Variants in TNPO1 observed in about 807,000 individuals in gnomAD.
The protein encoded by TNPO1 is transportin-1.
A neutral mutation model predicts 119.5 loss-of-function variants in TNPO1; 8 were observed. That is an observed-to-expected ratio of 0.07 (90% confidence interval 0.04 to 0.12). TNPO1 has a LOEUF of 0.12. Among genes scored for constraint, TNPO1 ranks in the 10% least tolerant of loss-of-function variants. The pLI, the probability that TNPO1 is intolerant of heterozygous loss-of-function variation, is 1.00. For synonymous variants in TNPO1, 362 were observed against 363.0 expected, an observed-to-expected ratio of 1.00 and a Z score of 0.03; for missense variants, 576 against 1,089.8, an observed-to-expected ratio of 0.53 and a Z score of 6.64.
intron 4 of TNPO1, among the ~76,000 whole-genome samples, chr5:72,861,020 C>A (rs1184249902): frequency 6.6e-6 from 1 of 151,660 alleles, no homozygotes; most frequent in Admixed American, 6.6e-5. Flanking sequence ...TCAAGCGATT[C>A]TCCTGCCTCA....
At chr5:72,866,378 A>ATT (rs1746903295) in intron 6 of TNPO1, among the ~76,000 whole-genome samples, 1 of 152,204 alleles carries the variant, frequency 6.6e-6, no homozygotes, top group East Asian at 1.9e-4. Flanking sequence ...CGTTTCCAGG[A>ATT]AGTTTCCCCC....
chr5:72,904,801 C>A (rs558120418), intron 23 of TNPO1, among the ~76,000 whole-genome samples: 5 of 152,156 alleles, frequency 3.3e-5, no homozygotes, highest in Middle Eastern at 3.4e-3. Context: ...CTGTCCCCGC[C>A]ACACACACAA....
Position 72,851,102 on chromosome 5 carries a change from G to C in TNPO1, c.130-142G>C, listed in dbSNP as rs1027647446. The C allele has an allele frequency of 3.1e-5, 19 of 622,444 alleles. 1 individual carries two copies. Among genetic ancestry groups the C allele is most frequent in the Non-Finnish European group, 4.9e-5 (17 of 347,670 alleles). 38.6% of individuals were successfully genotyped at this position (622,444 alleles called of 1,614,324 possible). A position where few individuals can be genotyped will look rare whatever the true frequency, so the allele number is the denominator to read the frequency against. Reference sequence around the variant, plus strand: ...TTTGAAATAGATGTTGATAGATTTAGTAAGATATCCTTATTCTTAGTTTAA... The same window carrying C: ...TTTGAAATAGATGTTGATAGATTTACTAAGATATCCTTATTCTTAGTTTAA... On this transcript the variant is annotated intron_variant, in intron 2 of 24. Transcript: ENST00000337273.
intron 13 of TNPO1, among the ~76,000 whole-genome samples, chr5:72,889,349 C>G (rs578170444): frequency 1.3e-5 from 2 of 152,056 alleles, no homozygotes; most frequent in Non-Finnish European, 2.9e-5. Flanking sequence ...TGAGCCACCG[C>G]GCCTGGCAGG....
chr5:72,854,147 TAAAG>T (rs1269153992), intron 3 of TNPO1, among the ~76,000 whole-genome samples: 1 of 152,260 alleles, frequency 6.6e-6, no homozygotes. Flanking sequence ...GTTTATTGCT[TAAAG>T]AAGTTAAATA....
intron 2 of TNPO1, among the ~76,000 whole-genome samples, chr5:72,850,536 A>G (rs1241109314): frequency 1.3e-5 from 2 of 151,768 alleles, no homozygotes; most frequent in African/African-American, 4.8e-5. Context: ...AGTAAAACAC[A>G]ATTGGGAAGC....
intron 1 of TNPO1, among the ~76,000 whole-genome samples, chr5:72,831,603 A>G (rs1744474043): frequency 6.6e-6 from 1 of 152,040 alleles, no homozygotes; most frequent in Non-Finnish European, 1.5e-5. Flanking sequence ...AGTATAGAAT[A>G]TGTAATAACT....
chr5:72,854,060 A>G (rs1745800279), intron 3 of TNPO1, among the ~76,000 whole-genome samples: 1 of 152,224 alleles, frequency 6.6e-6, no homozygotes, highest in African/African-American at 2.4e-5. Flanking sequence ...AAAACAATAT[A>G]CTATATTTCT....
At chr5:72,832,893 A>T (rs549790459) in intron 1 of TNPO1, among the ~76,000 whole-genome samples, 41 of 152,030 alleles carry the variant, frequency 2.7e-4, no homozygotes, top group African/African-American at 9.4e-4. Context: ...CACTCAGTTT[A>T]CTCTCCACCC....
Position 72,816,706 on chromosome 5 carries a change from G to C in TNPO1, c.-32G>C. The C allele has an allele frequency of 1.9e-6, 3 of 1,561,450 alleles. No homozygotes were observed. Among genetic ancestry groups the C allele is most frequent in the South Asian group, 1.2e-5 (1 of 84,024 alleles). On this transcript the variant is annotated 5_prime_UTR_variant, in exon 1 of 25. Coordinates refer to ENST00000337273, the MANE Select transcript of TNPO1 (RefSeq NM_002270.4). ...CCCGGACAGGAGGCAGTGCCGCTTC[G>C]GCCGAAGGCCCGAGCGCCCGAGGCG...
intron 4 of TNPO1, among the ~76,000 whole-genome samples, chr5:72,858,283 T>TTTTCA (rs1376715468): frequency 5.3e-5 from 8 of 152,330 alleles, no homozygotes; most frequent in African/African-American, 1.9e-4. Context: ...AGCTAGTTAA[T>TTTTCA]GGATACATTT....
Position 72,865,642 on chromosome 5 carries a change from T to G in TNPO1, c.509T>G (p.Ile170Ser). Residue 170 changes from isoleucine (I) to serine (S), a missense_variant, in exon 6 of 25, where the codon ATT becomes AGT. Physicochemically the swap from Ile to Ser is moderately radical, Grantham distance 142. Coordinates refer to ENST00000337273, the MANE Select transcript of TNPO1 (RefSeq NM_002270.4). ...AAGATTTGTGAAGATTCTGCTGAGATTTTAGACAGTGATGTTTTAGATCGT... is the reference window on the plus strand; with the variant it reads ...AAGATTTGTGAAGATTCTGCTGAGAGTTTAGACAGTGATGTTTTAGATCGT... ...LQKICEDSAEILDSDVLDRPL... is the reference protein window; with the variant it reads ...LQKICEDSAESLDSDVLDRPL... 3.7e-6 allele frequency: 6 copies of G among 1,613,332 alleles called. No individual in the cohort carries two copies. The highest frequency in any genetic ancestry group is 5.1e-6 in the Non-Finnish European group (6 of 1,179,772).
In TNPO1 at chr5:72,896,824, G is replaced by C. The variant is rs1292005712; in HGVS notation, c.2243-232G>C. ...GCAGAGGTTTCAGTGAGCTGAGATT[G>C]CACCACTGCACTCCAGCCTGGTGAC... On this transcript the variant is annotated intron_variant, in intron 19 of 24. Coordinates refer to ENST00000337273, the MANE Select transcript of TNPO1 (RefSeq NM_002270.4). 2.0e-5 allele frequency among the ~76,000 whole-genome samples: 3 copies of C among 152,112 alleles called. No individual in the cohort carries two copies. In the East Asian group the frequency reaches 5.8e-4, roughly 29 times the overall value.
intron 11 of TNPO1, among the ~76,000 whole-genome samples, chr5:72,886,162 G>T (rs1230634446): frequency 6.6e-6 from 1 of 151,706 alleles, no homozygotes; most frequent in Non-Finnish European, 1.5e-5. Flanking sequence ...TGATATTTTT[G>T]TTGTTCTTTT....
Position 72,896,540 on chromosome 5 carries a change from A to G in TNPO1, c.2226A>G (p.Glu742=). 6.2e-7 allele frequency: 1 copy of G among 1,611,556 alleles called. No homozygotes were observed. Among genetic ancestry groups the G allele is most frequent in the African/African-American group, 1.3e-5 (1 of 74,960 alleles). ...VCNNATWAIG[E]ISIQMGIEMQ... Reference sequence around the variant, plus strand: ...ACAATGCCACATGGGCAATTGGAGAAATCTCCATTCAAATGGGTAAGATGT... The same window carrying G: ...ACAATGCCACATGGGCAATTGGAGAGATCTCCATTCAAATGGGTAAGATGT... The change falls in exon 19 of 25, where the codon GAA becomes GAG. Residue 742 remains glutamate (E), a synonymous_variant. Coordinates refer to ENST00000337273, the MANE Select transcript of TNPO1 (RefSeq NM_002270.4).
chr5:72,837,174 G>A (rs1175199800), intron 1 of TNPO1, among the ~76,000 whole-genome samples: 1 of 152,074 alleles, frequency 6.6e-6, no homozygotes, highest in Non-Finnish European at 1.5e-5. Flanking sequence ...GTCCATTCCT[G>A]TGCTATAACA....
chr5:72,821,276 A>AGG (rs1743945826), intron 1 of TNPO1, among the ~76,000 whole-genome samples: 1 of 152,188 alleles, frequency 6.6e-6, no homozygotes, highest in Non-Finnish European at 1.5e-5. Context: ...CCTTTATCCT[A>AGG]GATGCATATG....
chr5:72,865,540 T>G, intron 5 of TNPO1, 56 bp from the exon 6 acceptor site: 2 of 1,590,280 alleles, frequency 1.3e-6, no homozygotes, highest in Admixed American at 3.4e-5. Context: ...CTTCAGTTTG[T>G]TTTCAAATGG....
intron 7 of TNPO1, 37 bp downstream of exon 7, chr5:72,872,757 C>CAT: frequency 8.4e-7 from 1 of 1,183,530 alleles, no homozygotes; most frequent in Non-Finnish European, 1.1e-6. Context: ...AACCCCCCAG[C>CAT]TTTTTTTTTT....
Sources: gnomAD v4.1 joint callset for allele counts (sites outside exome capture counted in the v4.1 genomes callset) on GRCh38, gnomAD v4.1.1 for gene constraint, MANE v1.5 for transcripts, NCBI Gene and HGNC (gene_info 2026-07-23, HGNC 2026-07-21) for gene names.